Variants in PDE4B observed in about 807,000 individuals in gnomAD.
PDE4B encodes the protein phosphodiesterase 4B.
In PDE4B, 20 loss-of-function variants were observed where a neutral mutation model predicts 82.2. That is an observed-to-expected ratio of 0.24 (90% CI 0.17 to 0.35). The LOEUF is 0.35. PDE4B is among the 10% of genes least tolerant of loss of function. The pLI is 1.00. For missense variants in PDE4B, 655 were observed against 907.2 expected (o/e 0.72, Z 3.57); for synonymous variants, 320 against 318.9 (o/e 1.00, Z -0.04).
rs565396673 is a variant in PDE4B at position 66,107,945 on chromosome 1, A to T, written c.282-139515A>T. 5.7e-4 allele frequency among the ~76,000 whole-genome samples: 86 copies of T among 152,136 alleles called. 1 individual carries two copies. The South Asian group carries it at 9.5e-3, about 17-fold the overall frequency. ...CTTAAGATATTTAATTTGGATTTTT[A>T]AAAAAAGATACACATTTATTTTTTT... On this transcript the variant is annotated intron_variant, in intron 3 of 16. Coordinates refer to ENST00000341517, the MANE Select transcript of PDE4B (RefSeq NM_002600.4).
intron 7 of PDE4B, among the ~76,000 whole-genome samples, chr1:66,281,683 T>G (rs2101782722): frequency 6.6e-6 from 1 of 152,374 alleles, no homozygotes; most frequent in East Asian, 1.9e-4. Flanking sequence ...CATAAAGCAT[T>G]TGTTTCAAAT....
intron 3 of PDE4B, among the ~76,000 whole-genome samples, chr1:66,023,843 A>G (rs1274940664): frequency 2.7e-5 from 4 of 149,312 alleles, no homozygotes; most frequent in Non-Finnish European, 4.4e-5. Context: ...GGGTAGGGTT[A>G]TTTAGGGCAC....
intron 8 of PDE4B, among the ~76,000 whole-genome samples, chr1:66,338,346 T>C (rs568079159): frequency 7.0e-6 from 1 of 142,998 alleles, no homozygotes; most frequent in South Asian, 2.2e-4. Context: ...GATTGGTTGG[T>C]GGGTGATCTT....
At chr1:66,154,307 G>A (rs1449382031) in intron 3 of PDE4B, among the ~76,000 whole-genome samples, 1 of 152,110 alleles carries the variant, frequency 6.6e-6, no homozygotes, top group African/African-American at 2.4e-5. Context: ...AACACACCGT[G>A]GAATGTTCTG....
At chr1:65,968,645 T>C (rs552114426) in intron 3 of PDE4B, among the ~76,000 whole-genome samples, 1 of 152,328 alleles carries the variant, frequency 6.6e-6, no homozygotes, top group African/African-American at 2.4e-5. Context: ...CATTTCCTTG[T>C]GAATTGTTGT....
chr1:66,178,719 C>T (rs547359803), intron 3 of PDE4B, among the ~76,000 whole-genome samples: 28 of 152,208 alleles, frequency 1.8e-4, no homozygotes, highest in Non-Finnish European at 3.2e-4. Context: ...AGATATGCTG[C>T]GTGCTGAAAA....
chr1:66,350,464 T>C (rs1474614863), intron 8 of PDE4B, among the ~76,000 whole-genome samples: 2 of 152,052 alleles, frequency 1.3e-5, no homozygotes, highest in East Asian at 1.9e-4. Flanking sequence ...TTAGCTAGTC[T>C]TTGATAGGGT....
intron 3 of PDE4B, among the ~76,000 whole-genome samples, chr1:66,240,119 T>G (rs140113142): frequency 3.3e-5 from 5 of 152,296 alleles, no homozygotes; most frequent in African/African-American, 1.2e-4. Flanking sequence ...GGAGCTAACT[T>G]TTAGGGGTTG....
intron 8 of PDE4B, among the ~76,000 whole-genome samples, chr1:66,339,576 C>T (rs1397245686): frequency 2.0e-5 from 3 of 152,072 alleles, no homozygotes; most frequent in African/African-American, 7.2e-5. Flanking sequence ...GAGGACATTG[C>T]CTTTGATTGT....
At chr1:66,136,385 C>T (rs1646055331) in intron 3 of PDE4B, among the ~76,000 whole-genome samples, 1 of 151,866 alleles carries the variant, frequency 6.6e-6, no homozygotes. Context: ...CTTTTTCTTC[C>T]CACCTTCACC....
intron 3 of PDE4B, among the ~76,000 whole-genome samples, chr1:66,107,692 C>T (rs962830843): frequency 2.0e-5 from 3 of 151,940 alleles, no homozygotes; most frequent in Non-Finnish European, 4.4e-5. Flanking sequence ...CCTTTAGGAG[C>T]TTTCATGATT....
At chr1:65,899,076 G>A (rs1032739982) in intron 1 of PDE4B, among the ~76,000 whole-genome samples, 1 of 151,906 alleles carries the variant, frequency 6.6e-6, no homozygotes, top group Non-Finnish European at 1.5e-5. Context: ...TCTGTCAGAA[G>A]AATAATATCC....
In PDE4B at chr1:66,153,229, T is replaced by C. The variant is rs527449268; in HGVS notation, c.282-94231T>C. ...TTTGCTGTTTTCTCCATCCCTACTCTAGATTCTCTCTCCTCCCAGTGTCCA... is the reference window on the plus strand; with the variant it reads ...TTTGCTGTTTTCTCCATCCCTACTCCAGATTCTCTCTCCTCCCAGTGTCCA... On this transcript the variant is annotated intron_variant, in intron 3 of 16. Transcript: ENST00000341517. Among the ~76,000 whole-genome samples, 16 of 152,300 alleles carry C rather than the reference T, an allele frequency of 1.1e-4. No individual in the cohort carries two copies. In the East Asian group the frequency reaches 2.3e-3, roughly 22 times the overall value.
At chr1:66,211,551 A>G (rs984897250) in intron 3 of PDE4B, among the ~76,000 whole-genome samples, 2 of 152,162 alleles carry the variant, frequency 1.3e-5, no homozygotes. Context: ...GGAGTAAATG[A>G]TTTTGGTTTA....
At chr1:65,827,063 T>G (rs1646027053) in intron 1 of PDE4B, among the ~76,000 whole-genome samples, 1 of 151,014 alleles carries the variant, frequency 6.6e-6, no homozygotes, top group Non-Finnish European at 1.5e-5. Context: ...ATTCTGAAAT[T>G]CACTGCGTGT....
intron 3 of PDE4B, among the ~76,000 whole-genome samples, chr1:66,028,042 G>C (rs1350949341): frequency 6.6e-6 from 1 of 152,196 alleles, no homozygotes; most frequent in Non-Finnish European, 1.5e-5. Context: ...GACTCTGTGT[G>C]GGGGCTCCAA....
intron 3 of PDE4B, among the ~76,000 whole-genome samples, chr1:66,104,437 C>A (rs1645295769): frequency 7.1e-6 from 1 of 140,834 alleles, no homozygotes; most frequent in Admixed American, 7.2e-5. Flanking sequence ...GATTTATAGT[C>A]CTTTGGGTAT....
chr1:65,900,861 GT>G (rs1410375779), intron 1 of PDE4B, among the ~76,000 whole-genome samples: 1 of 152,080 alleles, frequency 6.6e-6, no homozygotes, highest in East Asian at 1.9e-4. Context: ...TTTTAGTGGA[GT>G]CCTTAGGGTT....
At chr1:66,337,920 T>C (rs1280560305) in intron 8 of PDE4B, among the ~76,000 whole-genome samples, 1 of 152,246 alleles carries the variant, frequency 6.6e-6, no homozygotes, top group African/African-American at 2.4e-5. Context: ...GTTTGAGTTC[T>C]AGCCCTGCCT....
Sources: allele counts gnomAD v4.1 joint callset (sites outside exome capture counted in the v4.1 genomes callset), GRCh38; gene constraint gnomAD v4.1.1; transcripts MANE v1.5; gene names NCBI Gene and HGNC (gene_info 2026-07-23, HGNC 2026-07-21).